NCOA2: variants seen among roughly 807,000 people sequenced by gnomAD.
NCOA2 encodes nuclear receptor coactivator 2.
A neutral mutation model predicts 145.1 loss-of-function variants in NCOA2; 21 were observed. That is an observed-to-expected ratio of 0.14 (90% CI 0.10 to 0.21). The LOEUF (loss-of-function observed/expected upper bound fraction) is 0.21, where lower values mean the gene tolerates loss of function less well. Among genes scored for constraint, NCOA2 ranks in the 10% least tolerant of loss-of-function variants. The pLI is 1.00. For missense variants in NCOA2, 1,472 were observed against 1,837.6 expected (o/e 0.80, Z 3.64); for synonymous variants, 619 against 637.5 (o/e 0.97, Z 0.44).
chr8:70,198,600 CTTAAA>C (rs1469540460), intron 4 of NCOA2, among the ~76,000 whole-genome samples: 1 of 152,028 alleles, frequency 6.6e-6, no homozygotes, highest in Admixed American at 6.6e-5. Flanking sequence ...GAAAAGATGT[CTTAAA>C]TTAGAGTGCT....
At chr8:70,390,507 C>T (rs1813094035) in intron 1 of NCOA2, among the ~76,000 whole-genome samples, 1 of 152,088 alleles carries the variant, frequency 6.6e-6, no homozygotes, top group African/African-American at 2.4e-5. Flanking sequence ...TGCCTCACAC[C>T]TATAATCCCA....
At position 70,178,827 on chromosome 8, in the gene NCOA2, C is replaced by T. The variant is rs982362064; in HGVS notation, c.260-3968G>A. On this transcript the variant is annotated intron_variant, in intron 4 of 22. Coordinates refer to ENST00000452400, the MANE Select transcript of NCOA2 (RefSeq NM_006540.4). ...GTGGAGACGGATGTGTGGCTGGCAT[C>T]GGGCCACTACAAAATCTCAGCCTGG... Among the ~76,000 whole-genome samples the T allele has an allele frequency of 4.6e-5, 7 of 152,264 alleles. No individual in the cohort carries two copies. In the South Asian group the frequency reaches 6.2e-4, roughly 14 times the overall value.
At chr8:70,351,003 T>G (rs1586569463) in intron 1 of NCOA2, among the ~76,000 whole-genome samples, 1 of 152,166 alleles carries the variant, frequency 6.6e-6, no homozygotes, top group African/African-American at 2.4e-5. Flanking sequence ...TGGCAGCAGG[T>G]GGAAGGACAA....
chr8:70,155,818 A>G (rs1430561560), intron 11 of NCOA2, among the ~76,000 whole-genome samples, 153 bp downstream of exon 11: 1 of 152,240 alleles, frequency 6.6e-6, no homozygotes, highest in Non-Finnish European at 1.5e-5. Context: ...AGAGTATTTG[A>G]AACACACAGC....
At chr8:70,201,905 A>G (rs1275327688) in intron 4 of NCOA2, among the ~76,000 whole-genome samples, 2 of 152,162 alleles carry the variant, frequency 1.3e-5, no homozygotes, top group Non-Finnish European at 2.9e-5. Flanking sequence ...AATCTGCCTC[A>G]AAGAATCCTC....
At chr8:70,279,248 C>T (rs1825698198) in intron 2 of NCOA2, among the ~76,000 whole-genome samples, 1 of 152,146 alleles carries the variant, frequency 6.6e-6, no homozygotes, top group Admixed American at 6.6e-5. Flanking sequence ...GGTGCTTCCC[C>T]TTATGATGGA....
At chr8:70,206,462 A>T (rs1056603011) in intron 4 of NCOA2, among the ~76,000 whole-genome samples, 1 of 152,158 alleles carries the variant, frequency 6.6e-6, no homozygotes, top group African/African-American at 2.4e-5. Context: ...GTTTTCCAGC[A>T]TTTGTTTTAA....
At chr8:70,134,224 A>T (rs1055705126) in intron 15 of NCOA2, among the ~76,000 whole-genome samples, 1 of 152,248 alleles carries the variant, frequency 6.6e-6, no homozygotes, top group African/African-American at 2.4e-5. Context: ...AGGAAGAAGC[A>T]GATGCAGAAA....
At chr8:70,403,370 C>T (rs1246337866) in intron 1 of NCOA2, among the ~76,000 whole-genome samples, 3 of 151,350 alleles carry the variant, frequency 2.0e-5, no homozygotes, top group Non-Finnish European at 4.4e-5. Flanking sequence ...CTCCGCCCGC[C>T]TCGCGCTCCG....
chr8:70,146,356 G>C (rs1054502002), intron 12 of NCOA2, among the ~76,000 whole-genome samples: 12 of 152,120 alleles, frequency 7.9e-5, no homozygotes, highest in African/African-American at 2.7e-4. Flanking sequence ...CCTATAATTT[G>C]TTAACGCTAT....
chr8:70,368,478 A>C (rs1173208829), intron 1 of NCOA2, among the ~76,000 whole-genome samples: 1 of 152,200 alleles, frequency 6.6e-6, no homozygotes, highest in Non-Finnish European at 1.5e-5. Context: ...GTGCACAATT[A>C]AATGAGGCAG....
At chr8:70,323,912 A>T (rs961267890) in intron 1 of NCOA2, among the ~76,000 whole-genome samples, 1 of 152,140 alleles carries the variant, frequency 6.6e-6, no homozygotes, top group African/African-American at 2.4e-5. Context: ...GACAGTCCTA[A>T]TCTTCAGTGG....
rs1810391816 is a variant in NCOA2 at position 70,141,299 on chromosome 8, G to GGCACTGGTGGTAGCA, written c.2898_2912dup (p.Ala967_Ala971dup). 2 of 1,613,936 alleles carry GGCACTGGTGGTAGCA rather than the reference G, an allele frequency of 1.2e-6. No individual in the cohort carries two copies. The highest frequency in any genetic ancestry group is 2.7e-5 in the African/African-American group (2 of 75,034). ...TACCTCCTTGGACTGGCCGGTTCAT[G>GGCACTGGTGGTAGCA]GCACTGGTGGTAGCAGCACAGGTGA... is the stretch of plus-strand genomic sequence containing the variant. On this transcript the variant is annotated inframe_insertion, in exon 14 of 23. Transcript: ENST00000452400.
the NCOA2 span, among the ~76,000 whole-genome samples, chr8:70,431,027 G>C: frequency 6.6e-6 from 1 of 152,046 alleles, no homozygotes; most frequent in Non-Finnish European, 1.5e-5. Flanking sequence ...TCAATAATAA[G>C]GCAAATTGTT....
chr8:70,409,893 AAG>A, the NCOA2 span, among the ~76,000 whole-genome samples: 9 of 151,166 alleles, frequency 6.0e-5, no homozygotes, highest in East Asian at 3.9e-4. Flanking sequence ...GAAAGAATAA[AAG>A]AGAGAGAGAG....
chr8:70,211,919 T>C (rs1819069736), intron 4 of NCOA2, among the ~76,000 whole-genome samples: 1 of 152,076 alleles, frequency 6.6e-6, no homozygotes, highest in Admixed American at 6.5e-5. Flanking sequence ...TCTTGGGTGG[T>C]TGTGGTATGC....
At chr8:70,151,176 A>G (rs1245949378) in intron 11 of NCOA2, among the ~76,000 whole-genome samples, 1 of 152,232 alleles carries the variant, frequency 6.6e-6, no homozygotes, top group African/African-American at 2.4e-5. Flanking sequence ...TGTAAACAAT[A>G]AAAGTAAAGT....
At chr8:70,398,337 T>C (rs1407207906) in intron 1 of NCOA2, among the ~76,000 whole-genome samples, 2 of 152,276 alleles carry the variant, frequency 1.3e-5, no homozygotes, top group East Asian at 1.9e-4. Context: ...CACACACCTG[T>C]AGTCCCAACT....
the NCOA2 span, among the ~76,000 whole-genome samples, chr8:70,417,265 A>G: frequency 1.3e-5 from 2 of 149,624 alleles, no homozygotes; most frequent in Non-Finnish European, 3.0e-5. Context: ...AAAAAAAAAA[A>G]AGGCCAGGCG....
Sources: gnomAD v4.1 joint callset for allele counts (sites outside exome capture counted in the v4.1 genomes callset) on GRCh38, gnomAD v4.1.1 for gene constraint, MANE v1.5 for transcripts, NCBI Gene and HGNC (gene_info 2026-07-23, HGNC 2026-07-21) for gene names.